CFAP77: variants seen among roughly 807,000 people sequenced by gnomAD.
CFAP77 encodes the protein cilia- and flagella-associated protein 77.
Under a neutral mutation model 31.1 loss-of-function variants are expected in CFAP77, and 25 were observed. The ratio of observed to expected loss-of-function variants is 0.80; its 90% CI spans 0.59 to 1.12. CFAP77 has a LOEUF of 1.12. CFAP77 is among the 50% of genes most tolerant of loss of function. The pLI is 0.00. For missense variants in CFAP77, 377 were observed against 397.3 expected (o/e 0.95, Z 0.44); for synonymous variants, 151 against 159.9 (o/e 0.94, Z 0.42).
chr9:132,482,187 CTT>C (rs554130309), intron 1 of CFAP77: 72 of 497,214 alleles, frequency 1.4e-4, no homozygotes, highest in Middle Eastern at 3.9e-4. Flanking sequence ...TTCTTTCTTT[CTT>C]TTTTTTTTTC....
At position 132,547,705 on chromosome 9, in the gene CFAP77, G is replaced by A. The variant is rs572454408; in HGVS notation, c.732+4658G>A. 1.4e-4 allele frequency among the ~76,000 whole-genome samples: 21 copies of A among 152,322 alleles called. No individual in the cohort carries two copies. The South Asian group carries it at 4.1e-3, about 30-fold the overall frequency. On this transcript the variant is annotated intron_variant, in intron 5 of 5. Coordinates refer to ENST00000393216, the MANE Select transcript of CFAP77 (RefSeq NM_001282957.2). ...CCCTAGGTGTCCTCAGGTGTCCCCAGGTGCGCCGTGTCCACAGCCTGAAAT... is the reference window on the plus strand; with the variant it reads ...CCCTAGGTGTCCTCAGGTGTCCCCAAGTGCGCCGTGTCCACAGCCTGAAAT...
intron 5 of CFAP77, among the ~76,000 whole-genome samples, chr9:132,553,152 G>GGA (rs368848848): frequency 5.3e-5 from 8 of 151,982 alleles, no homozygotes; most frequent in African/African-American, 1.9e-4. Flanking sequence ...CTCACTTGCT[G>GGA]GAGAGAGAGA....
At chr9:132,522,765 G>A (rs1043170862) in intron 3 of CFAP77, among the ~76,000 whole-genome samples, 1 of 152,180 alleles carries the variant, frequency 6.6e-6, no homozygotes, top group South Asian at 2.1e-4. Context: ...GATCACCCCC[G>A]GGTGCTTTGT....
At chr9:132,434,721 A>G (rs1041265599) in intron 1 of CFAP77, among the ~76,000 whole-genome samples, 7 of 152,116 alleles carry the variant, frequency 4.6e-5, no homozygotes, top group African/African-American at 1.4e-4. Context: ...TCAAGCCCCC[A>G]AGCGCCCATG....
At chr9:132,543,465 C>T (rs1452561066) in intron 5 of CFAP77, among the ~76,000 whole-genome samples, 1 of 152,062 alleles carries the variant, frequency 6.6e-6, no homozygotes, top group Non-Finnish European at 1.5e-5. Flanking sequence ...GGGGAGAGGG[C>T]TGTCCGTCCG....
intron 5 of CFAP77, among the ~76,000 whole-genome samples, chr9:132,553,427 C>T (rs1191401554): frequency 1.3e-5 from 2 of 152,098 alleles, no homozygotes; most frequent in Non-Finnish European, 2.9e-5. Context: ...CTAAGTGAGA[C>T]TCTGTCTCTA....
intron 5 of CFAP77, among the ~76,000 whole-genome samples, chr9:132,556,678 A>T (rs897498427): frequency 3.3e-5 from 5 of 152,288 alleles, no homozygotes; most frequent in African/African-American, 1.2e-4. Context: ...CACCGCCTCC[A>T]ATTAAATCAA....
chr9:132,430,057 G>A (rs749155989), intron 1 of CFAP77, among the ~76,000 whole-genome samples: 38 of 152,012 alleles, frequency 2.5e-4, no homozygotes, highest in South Asian at 6.2e-4. Flanking sequence ...TGCACTTGGC[G>A]TTCTCCTGGG....
rs749264158 is a variant in CFAP77, at chr9:132,563,797, C to T, written c.733-8591C>T. On this transcript the variant is annotated intron_variant, in intron 5 of 5. Transcript: ENST00000393216. ...AGACTCCTTCCCGTTATTACCAATC[C>T]GATGTGTGTGTAATGCTTATTCTCT... Among the ~76,000 whole-genome samples, 14 of 152,288 alleles carry T rather than the reference C, an allele frequency of 9.2e-5. No individual in the cohort carries two copies. In the South Asian group the frequency reaches 1.9e-3, roughly 20 times the overall value.
intron 5 of CFAP77, among the ~76,000 whole-genome samples, chr9:132,557,797 G>A (rs774063685): frequency 5.3e-5 from 8 of 152,048 alleles, no homozygotes; most frequent in Non-Finnish European, 1.2e-4. Context: ...TCCTCCCCTT[G>A]CTCCAACCTA....
chr9:132,550,290 G>A (rs1329395385), intron 5 of CFAP77, among the ~76,000 whole-genome samples: 2 of 152,204 alleles, frequency 1.3e-5, no homozygotes, highest in Non-Finnish European at 2.9e-5. Context: ...CACCAGAATC[G>A]ATGAGTAAGA....
intron 3 of CFAP77, among the ~76,000 whole-genome samples, chr9:132,522,464 C>T (rs558065716): frequency 7.2e-5 from 11 of 152,260 alleles, no homozygotes; most frequent in South Asian, 2.1e-4. Context: ...ACCCCTCCAG[C>T]GCCTCAAAAG....
In CFAP77 at chr9:132,498,605, A is replaced by G; in HGVS notation, c.196-90A>G. The G allele has an allele frequency of 1.0e-6, 1 of 957,774 alleles. No individual in the cohort carries two copies. The highest frequency in any genetic ancestry group is 1.6e-6 in the Non-Finnish European group (1 of 619,040). The allele number at this position is 957,774 out of a possible 1,614,324, so 59.3% of individuals were successfully genotyped here. On this transcript the variant is annotated intron_variant, in intron 1 of 5. Transcript: ENST00000393216. The surrounding 1 kb of genome is among the most constrained non-coding windows in gnomAD (Gnocchi z 4.2). ...CCACGGCAGGGCCTGGGGGAAATGC[A>G]GGCATCTGGTGCCTCCCTGCTGCCG...
At chr9:132,558,098 G>C (rs1852931958) in intron 5 of CFAP77, among the ~76,000 whole-genome samples, 1 of 152,184 alleles carries the variant, frequency 6.6e-6, no homozygotes, top group South Asian at 2.1e-4. Flanking sequence ...CAGTCTATTA[G>C]AGCCAAGTAA....
chr9:132,422,201 G>C (rs555751319), intron 1 of CFAP77, among the ~76,000 whole-genome samples: 2 of 152,186 alleles, frequency 1.3e-5, no homozygotes, highest in African/African-American at 4.8e-5. Context: ...TAGATAGGGG[G>C]TTTCACCATG....
intron 1 of CFAP77, among the ~76,000 whole-genome samples, chr9:132,422,550 C>T (rs960667811): frequency 2.0e-5 from 3 of 152,116 alleles, no homozygotes; most frequent in African/African-American, 7.2e-5. Context: ...CGAGACTGTT[C>T]CAGGCAAAAT....
chr9:132,542,889 C>A (rs961991848), intron 4 of CFAP77, 57 bp from the exon 5 acceptor site: 1 of 1,353,698 alleles, frequency 7.4e-7, no homozygotes, highest in South Asian at 1.2e-5. Flanking sequence ...CCCTTCAGCA[C>A]GGCCTTCTCC....
intron 1 of CFAP77, among the ~76,000 whole-genome samples, chr9:132,488,201 T>TTGAGGGGC (rs1350602992): frequency 1.3e-5 from 2 of 152,144 alleles, no homozygotes; most frequent in African/African-American, 2.4e-5. Context: ...ATTGATTCCT[T>TTGAGGGGC]TGAGGGGCTA....
intron 5 of CFAP77, among the ~76,000 whole-genome samples, chr9:132,548,607 T>C (rs191660642): frequency 4.6e-5 from 7 of 152,060 alleles, no homozygotes; most frequent in Admixed American, 3.9e-4. Context: ...ATCTTTATTA[T>C]AAAATCTATG....
Sources: gnomAD v4.1 joint callset for allele counts (sites outside exome capture counted in the v4.1 genomes callset) on GRCh38, gnomAD v4.1.1 for gene constraint, Gnocchi (gnomAD v3.1) non-coding constraint, MANE v1.5 for transcripts, NCBI Gene and HGNC (gene_info 2026-07-23, HGNC 2026-07-21) for gene names.